PIAS2: variants seen among roughly 807,000 people sequenced by gnomAD.
PIAS2 encodes E3 SUMO-protein ligase PIAS2.
In PIAS2, 19 loss-of-function variants were observed where a neutral mutation model predicts 69.7. The observed-to-expected ratio is 0.27, with a 90% CI of 0.19 to 0.40. The LOEUF is 0.40. Among genes scored for constraint, PIAS2 ranks in the 10% least tolerant of loss-of-function variants. The probability of loss-of-function intolerance (pLI) is 1.00; values close to 1 mark genes in which losing one functional copy is unlikely to be tolerated. For missense variants in PIAS2, 624 were observed against 757.0 expected (o/e 0.82, Z 2.06); for synonymous variants, 261 against 263.2 (o/e 0.99, Z 0.08).
At chr18:46,820,906 CAAAA>C (rs1196218136) in intron 12 of PIAS2, 23 bp downstream of exon 12, 1 of 1,572,842 alleles carries the variant, frequency 6.4e-7, no homozygotes, top group Non-Finnish European at 8.6e-7. Context: ...CATTAAAAAA[CAAAA>C]GAAACAAAAA....
Position 46,844,766 on chromosome 18 carries a change from C to G in PIAS2, c.935G>C (p.Gly312Ala). Residue 312 changes from glycine to alanine, a missense_variant, in exon 7 of 14, where the codon GGT becomes GCT. By Grantham distance (60) the Gly-to-Ala change is moderately conservative. Coordinates refer to ENST00000585916, the MANE Select transcript of PIAS2 (RefSeq NM_004671.5). ...TCTGGAATGATCAGGGTTTCTAATACCTTTCATTTTTAATCTCTGTAATAA... is the reference window on the plus strand; with the variant it reads ...TCTGGAATGATCAGGGTTTCTAATAGCTTTCATTTTTAATCTCTGTAATAA... ...AMLLQRLKMKGIRNPDHSRAL... is the reference protein window; with the variant it reads ...AMLLQRLKMKAIRNPDHSRAL... 3.4e-6 allele frequency: 5 copies of G among 1,477,268 alleles called. No homozygotes were observed. Among genetic ancestry groups the G allele is most frequent in the Non-Finnish European group, 4.5e-6 (5 of 1,109,734 alleles). 91.5% of individuals were successfully genotyped at this position (1,477,268 alleles called of 1,614,324 possible). A position where few individuals can be genotyped will look rare whatever the true frequency, so the allele number is the denominator to read the frequency against.
At chr18:46,820,340 A>G (rs917740581) in intron 12 of PIAS2, among the ~76,000 whole-genome samples, 2 of 152,132 alleles carry the variant, frequency 1.3e-5, no homozygotes, top group African/African-American at 2.4e-5. Context: ...TATCATGAGT[A>G]TATCTGTATA....
At chr18:46,843,725 A>G (rs530389014) in intron 8 of PIAS2, 1 of 170,680 alleles carries the variant, frequency 5.9e-6, no homozygotes, top group African/African-American at 2.4e-5. Flanking sequence ...ATCAGGCCCT[A>G]GTCACTTTAT....
rs764905231 is a variant in PIAS2 at position 46,812,458 on chromosome 18, A to C, written c.1841T>G (p.Ile614Ser). 6.2e-7 allele frequency: 1 copy of C among 1,611,994 alleles called. No homozygotes were observed. The highest frequency in any genetic ancestry group is 1.1e-5 in the South Asian group (1 of 90,802). The change falls in exon 14 of 14, where the codon ATT becomes AGT. Residue 614 changes from isoleucine to serine, a missense_variant. Ile to Ser is a moderately radical substitution (Grantham distance 142, BLOSUM62 -2). Around this residue, in one of 3 missense-constraint regions of PIAS2, gnomAD observed 241 missense variants for 257.3 expected, o/e 0.94. Transcript: ENST00000585916. ...TTAGTCCAATGAGATGATGTCAGGA[A>C]TGTTACTTCCACTGCTGGTTATGAC... ...TGVITSSGSN[I>S]PDIISLD is the part of the protein sequence containing the mutation.
Position 46,836,393 on chromosome 18 carries a change from T to TCA in PIAS2, c.1164_1165dup (p.Asp389ValfsTer10). ...TAGACTTTCATAGGCAGCTTTTTTG[T>TCA]CACACACAGGACAAATCCAGGTGGG... On this transcript the variant is annotated frameshift_variant, in exon 9 of 14. Coordinates refer to ENST00000585916, the MANE Select transcript of PIAS2 (RefSeq NM_004671.5). LOFTEE classifies it high-confidence loss of function. 6.2e-7 allele frequency: 1 copy of TCA among 1,614,072 alleles called. No homozygotes were observed.
intron 3 of PIAS2, among the ~76,000 whole-genome samples, chr18:46,859,092 A>G (rs1182642759): frequency 2.6e-5 from 4 of 152,184 alleles, no homozygotes; most frequent in Non-Finnish European, 5.9e-5. Context: ...CCTCAAAGGT[A>G]GAGTTGCCTT....
chr18:46,810,219 T>C lies in PIAS2; in HGVS notation c.*2214A>G, dbSNP rs1276869279. The C allele has an allele frequency of 6.6e-6, 1 of 151,928 alleles. No individual in the cohort carries two copies. The highest frequency in any genetic ancestry group is 2.4e-5 in the African/African-American group (1 of 41,390). The allele number at this position is 151,928 out of a possible 1,614,324, so 9.4% of individuals were successfully genotyped here. On this transcript the variant is annotated 3_prime_UTR_variant, in exon 14 of 14. Coordinates refer to ENST00000585916, the MANE Select transcript of PIAS2 (RefSeq NM_004671.5). ...AAAACAAAAAAACAAATCACAATTA[T>C]AAAAGCACAGAGATATCAGTTATAA...
chr18:46,847,482 AT>A (rs536478394), intron 5 of PIAS2, among the ~76,000 whole-genome samples: 2,870 of 138,362 alleles, frequency 0.021, 42 homozygotes, highest in African/African-American at 0.053. Flanking sequence ...CATCAACCGT[AT>A]TTTTTTTTTT....
intron 1 of PIAS2, among the ~76,000 whole-genome samples, chr18:46,907,333 C>A (rs530666366): frequency 6.6e-6 from 1 of 152,280 alleles, no homozygotes; most frequent in South Asian, 2.1e-4. Flanking sequence ...AGCTTGACAT[C>A]ATTACTTATT....
At chr18:46,824,034 T>C (rs1018802933) in intron 11 of PIAS2, among the ~76,000 whole-genome samples, 5 of 152,232 alleles carry the variant, frequency 3.3e-5, no homozygotes, top group Non-Finnish European at 5.9e-5. Context: ...TGCCTCTTCA[T>C]AGGATTGGTA....
At chr18:46,824,871 G>A (rs2042632633) in intron 11 of PIAS2, among the ~76,000 whole-genome samples, 1 of 151,300 alleles carries the variant, frequency 6.6e-6, no homozygotes, top group South Asian at 2.1e-4. Context: ...AAATTAGCTG[G>A]GGGTGGTAGT....
intron 11 of PIAS2, among the ~76,000 whole-genome samples, chr18:46,823,088 A>AT (rs2042362052): frequency 1.3e-5 from 2 of 150,314 alleles, no homozygotes; most frequent in Non-Finnish European, 3.0e-5. Context: ...AAAAAAAAAA[A>AT]GCCACATATG....
At chr18:46,839,641 G>C (rs112384907) in intron 8 of PIAS2, among the ~76,000 whole-genome samples, 8,790 of 152,022 alleles carry the variant, frequency 0.058, 305 homozygotes, top group Non-Finnish European at 0.081. Context: ...GAGGAGGGTG[G>C]ATCACCTGAG....
chr18:46,829,938 C>T (rs2043355213), intron 9 of PIAS2, 71 bp from the exon 10 acceptor site: 2 of 1,349,520 alleles, frequency 1.5e-6, no homozygotes, highest in South Asian at 2.7e-5. Flanking sequence ...GAAAGTAATA[C>T]ACATTACCTT....
At chr18:46,868,217 C>G (rs2049788514) in intron 2 of PIAS2, among the ~76,000 whole-genome samples, 1 of 152,222 alleles carries the variant, frequency 6.6e-6, no homozygotes, top group Non-Finnish European at 1.5e-5. Flanking sequence ...AGTTCCTCTT[C>G]AAAGGTTTAA....
chr18:46,896,827 T>A (rs2054964946), intron 1 of PIAS2, among the ~76,000 whole-genome samples: 1 of 152,256 alleles, frequency 6.6e-6, no homozygotes, highest in African/African-American at 2.4e-5. Context: ...CAATACAGTG[T>A]AATCTACCAA....
intron 13 of PIAS2, among the ~76,000 whole-genome samples, chr18:46,814,381 T>C (rs936735579): frequency 1.3e-5 from 2 of 152,128 alleles, no homozygotes; most frequent in Non-Finnish European, 2.9e-5. Flanking sequence ...CACATAAAAA[T>C]TAGTAATCCT....
chr18:46,893,060 A>G (rs2054308028), intron 1 of PIAS2, among the ~76,000 whole-genome samples: 1 of 152,152 alleles, frequency 6.6e-6, no homozygotes, highest in African/African-American at 2.4e-5. Flanking sequence ...TAGAACACAT[A>G]CCACAATGTG....
At chr18:46,876,444 A>G (rs866012285) in intron 2 of PIAS2, among the ~76,000 whole-genome samples, 1 of 152,194 alleles carries the variant, frequency 6.6e-6, no homozygotes. Flanking sequence ...TGTTAACTAT[A>G]TTAGAGATGC....
Sources: gnomAD v4.1 joint callset for allele counts (sites outside exome capture counted in the v4.1 genomes callset) on GRCh38, gnomAD v4.1.1 for gene constraint, gnomAD v4.1.1 regional missense constraint, MANE v1.5 for transcripts, NCBI Gene and HGNC (gene_info 2026-07-23, HGNC 2026-07-21) for gene names.